GALNT3: variants seen among roughly 807,000 people sequenced by gnomAD.
GALNT3 encodes GalNAc transferase 3.
In GALNT3, 51 loss-of-function variants were observed where a neutral mutation model predicts 69.8. The ratio of observed to expected loss-of-function variants is 0.73; its 90% CI spans 0.58 to 0.92. The LOEUF (loss-of-function observed/expected upper bound fraction) is 0.92, where lower values mean the gene tolerates loss of function less well. Ranked by LOEUF, GALNT3 falls within the 40% of genes least tolerant of loss-of-function variation. The pLI is 0.00. For missense variants in GALNT3, 711 were observed against 760.0 expected, an observed-to-expected ratio of 0.94 and a Z score of 0.76; for synonymous variants, 265 against 248.5, an observed-to-expected ratio of 1.07 and a Z score of -0.63.
chr2:165,778,493 G>C (rs990230472), intron 1 of GALNT3, among the ~76,000 whole-genome samples: 27 of 152,224 alleles, frequency 1.8e-4, no homozygotes, highest in Non-Finnish European at 3.8e-4. Context: ...AAATTGCCTA[G>C]TGGGAGTTAA....
chr2:165,752,503 T>C (rs928917397), intron 9 of GALNT3, among the ~76,000 whole-genome samples: 4 of 152,210 alleles, frequency 2.6e-5, no homozygotes, highest in Non-Finnish European at 5.9e-5. Context: ...CAAACACTTA[T>C]TGAAAGAATA....
In GALNT3 at chr2:165,770,390, G is replaced by A. The variant is rs778442174; in HGVS notation, c.311C>T (p.Ala104Val). The A allele has an allele frequency of 6.2e-7, 1 of 1,614,088 alleles. No homozygotes were observed. Among genetic ancestry groups the A allele is most frequent in the African/African-American group, 1.3e-5 (1 of 74,940 alleles). Residue 104 changes from alanine to valine, a missense_variant, in exon 2 of 11, where the codon GCA becomes GTA. Transcript: ENST00000392701. ...ERPCLQGYYT[A>V]AELKPVLDRP... ...GTCAAGGACAGGCTTCAATTCTGCTGCTGTATAATATCCTTGCAAACAAGG... is the reference window on the plus strand; with the variant it reads ...GTCAAGGACAGGCTTCAATTCTGCTACTGTATAATATCCTTGCAAACAAGG...
chr2:165,756,993 C>A (rs1688455546), intron 7 of GALNT3, 54 bp downstream of exon 7: 2 of 1,355,828 alleles, frequency 1.5e-6, no homozygotes, highest in Non-Finnish European at 2.1e-6. Flanking sequence ...CGCAAAAGGA[C>A]GTGTGAACTT....
intron 2 of GALNT3, among the ~76,000 whole-genome samples, chr2:165,769,026 C>G (rs2105418040): frequency 6.6e-6 from 1 of 150,652 alleles, no homozygotes; most frequent in African/African-American, 2.4e-5. Flanking sequence ...AACTCCTGAC[C>G]TCAGCTGATC....
chr2:165,791,316 T>C (rs568444605), intron 1 of GALNT3, among the ~76,000 whole-genome samples: 59 of 151,890 alleles, frequency 3.9e-4, no homozygotes, highest in African/African-American at 1.4e-3. Context: ...AGAAAGCTGG[T>C]AGAAAAATCA....
At chr2:165,749,702 G>C (rs371376082) in intron 10 of GALNT3, 40 bp downstream of exon 10, 23 of 1,582,076 alleles carry the variant, frequency 1.5e-5, no homozygotes, top group Non-Finnish European at 1.9e-5. Flanking sequence ...GTAGAGCTAA[G>C]AAAAATAGTT....
intron 1 of GALNT3, among the ~76,000 whole-genome samples, chr2:165,776,728 A>G (rs1472188832): frequency 6.6e-6 from 1 of 152,188 alleles, no homozygotes; most frequent in Admixed American, 6.5e-5. Context: ...AGCAATATAC[A>G]CAATTTTAAC....
chr2:165,780,069 GA>G (rs1683069843), intron 1 of GALNT3, among the ~76,000 whole-genome samples: 1 of 152,118 alleles, frequency 6.6e-6, no homozygotes, highest in South Asian at 2.1e-4. Flanking sequence ...TGCAGATTAG[GA>G]ACTCAGCAGC....
chr2:165,759,064 G>A (rs529705857), intron 5 of GALNT3, among the ~76,000 whole-genome samples, 200 bp from the exon 6 acceptor site: 93 of 152,126 alleles, frequency 6.1e-4, no homozygotes, highest in Non-Finnish European at 1.2e-3. Flanking sequence ...TCCCATTGGA[G>A]TAAACTTAAA....
chr2:165,752,167 A>T (rs1688367268), intron 9 of GALNT3, among the ~76,000 whole-genome samples: 1 of 152,098 alleles, frequency 6.6e-6, no homozygotes, highest in African/African-American at 2.4e-5. Flanking sequence ...CTCTAGGTAC[A>T]CTGGCTATCT....
intron 1 of GALNT3, among the ~76,000 whole-genome samples, chr2:165,778,453 C>T (rs538380966): frequency 6.6e-6 from 1 of 152,252 alleles, no homozygotes; most frequent in South Asian, 2.1e-4. Context: ...TTAATACAAT[C>T]TGGTATTAAA....
rs185534881 is a variant in GALNT3, at chr2:165,763,012, G to A, written c.689-958C>T. On this transcript the variant is annotated intron_variant, in intron 3 of 10. Coordinates refer to ENST00000392701, the MANE Select transcript of GALNT3 (RefSeq NM_004482.4). ...GACGGGGTTTCATCATGTTGCCCAG[G>A]CTGGTCTGGAACTCCTGAACTCAAG... 3.3e-5 allele frequency among the ~76,000 whole-genome samples: 5 copies of A among 150,528 alleles called. No individual in the cohort carries two copies. The East Asian group carries it at 7.8e-4, about 24-fold the overall frequency.
chr2:165,755,023 T>C lies in GALNT3; in HGVS notation c.1433A>G (p.His478Arg), dbSNP rs1256467766. Residue 478 changes from histidine to arginine, a missense_variant, in exon 8 of 11, where the codon CAC (histidine) becomes CGC (arginine). Physicochemically the swap from His to Arg is conservative, Grantham distance 29 (BLOSUM62 0). Transcript: ENST00000392701. ...TGTAAAATTTTTACACTGAAGGCGG[T>C]GTTTTATTTCAAATCTTTTTGAAAG... ...GDLSKRFEIK[H>R]RLQCKNFTWY... is the part of the protein sequence containing the mutation. 2 of 1,612,244 alleles carry C rather than the reference T, an allele frequency of 1.2e-6. No individual in the cohort carries two copies. The highest frequency in any genetic ancestry group is 2.7e-5 in the African/African-American group (2 of 74,880).
Position 165,763,107 on chromosome 2 carries a change from T to C in GALNT3, c.689-1053A>G, listed in dbSNP as rs183551634. ...GAGCCACTGCGCCCAGCTGTTCATA[T>C]TCTGAAACAACTTCTTAAGCCTGTT... On this transcript the variant is annotated intron_variant, in intron 3 of 10. Transcript: ENST00000392701. 7.4e-3 allele frequency among the ~76,000 whole-genome samples: 1,119 copies of C among 152,242 alleles called. 16 individuals are homozygous for C. Among genetic ancestry groups the C allele is most frequent in the Non-Finnish European group, 6.1e-3 (417 of 68,010 alleles).
intron 1 of GALNT3, among the ~76,000 whole-genome samples, chr2:165,787,634 CT>C (rs543620150): frequency 3.9e-5 from 6 of 152,270 alleles, no homozygotes; most frequent in African/African-American, 1.4e-4. Context: ...GAAGGTAAAA[CT>C]TACAGAACTT....
At position 165,749,908 on chromosome 2, in the gene GALNT3, A is replaced by G; in HGVS notation, c.1627-14T>C. 2 of 1,613,156 alleles carry G rather than the reference A, an allele frequency of 1.2e-6. No homozygotes were observed. Among genetic ancestry groups the G allele is most frequent in the Non-Finnish European group, 8.5e-7 (1 of 1,179,258 alleles). On this transcript the variant is annotated splice_polypyrimidine_tract_variant and intron_variant, in intron 9 of 10. Coordinates refer to ENST00000392701, the MANE Select transcript of GALNT3 (RefSeq NM_004482.4). Reference sequence around the variant, plus strand: ...GTATTCAAAGTACTATGGAAGGAATAGCACTGTTACTGACAAAAGCAACCC... The same window carrying G: ...GTATTCAAAGTACTATGGAAGGAATGGCACTGTTACTGACAAAAGCAACCC...
intron 9 of GALNT3, among the ~76,000 whole-genome samples, chr2:165,753,981 T>C (rs968736217): frequency 6.6e-6 from 1 of 152,162 alleles, no homozygotes; most frequent in African/African-American, 2.4e-5. Flanking sequence ...ACCATGCCAA[T>C]AGTCATGCAA....
intron 3 of GALNT3, among the ~76,000 whole-genome samples, chr2:165,763,091 C>T (rs572225371): frequency 2.2e-3 from 332 of 152,022 alleles, no homozygotes; most frequent in Non-Finnish European, 3.6e-3. Context: ...TGAGCCACTG[C>T]GCCCAGCTGT....
At chr2:165,759,138 CA>C (rs1688498095) in intron 5 of GALNT3, among the ~76,000 whole-genome samples, 197 bp downstream of exon 5, 2 of 152,150 alleles carry the variant, frequency 1.3e-5, no homozygotes, top group Admixed American at 6.5e-5. Flanking sequence ...CATAAGAGCT[CA>C]CTCACTGCTA....
Sources: allele counts gnomAD v4.1 joint callset (sites outside exome capture counted in the v4.1 genomes callset), GRCh38; gene constraint gnomAD v4.1.1; transcripts MANE v1.5; gene names NCBI Gene and HGNC (gene_info 2026-07-23, HGNC 2026-07-21).